Variants in SPIRE1 observed in about 807,000 individuals in gnomAD.
The protein encoded by SPIRE1 is spire type actin nucleation factor 1, also known as protein spire homolog 1.
Under a neutral mutation model 94.1 loss-of-function variants are expected in SPIRE1, and 40 were observed. That is an observed-to-expected ratio of 0.43 (90% confidence interval 0.33 to 0.55). The LOEUF (loss-of-function observed/expected upper bound fraction) is 0.55, where lower values mean the gene tolerates loss of function less well. Among genes scored for constraint, SPIRE1 ranks in the 20% least tolerant of loss-of-function variants. The probability of loss-of-function intolerance (pLI) is 0.06; values close to 1 mark genes in which losing one functional copy is unlikely to be tolerated. For missense variants in SPIRE1, 838 were observed against 975.2 expected, an observed-to-expected ratio of 0.86 and a Z score of 1.87; for synonymous variants, 376 against 371.7, an observed-to-expected ratio of 1.01 and a Z score of -0.13.
chr18:12,475,373 T>C (rs2032522849), intron 10 of SPIRE1, among the ~76,000 whole-genome samples: 1 of 152,236 alleles, frequency 6.6e-6, no homozygotes. Flanking sequence ...GCACTTGGAA[T>C]GATTCTTAGG....
chr18:12,467,360 G>A (rs1568188297), intron 10 of SPIRE1, among the ~76,000 whole-genome samples: 6 of 152,170 alleles, frequency 3.9e-5, no homozygotes, highest in Admixed American at 1.3e-4. Flanking sequence ...ACCAAATCAA[G>A]CACTGTAAGC....
intron 2 of SPIRE1, among the ~76,000 whole-genome samples, chr18:12,568,031 T>G (rs1598480063): frequency 6.6e-6 from 1 of 152,344 alleles, no homozygotes; most frequent in East Asian, 1.9e-4. Context: ...ATTTGGCTCC[T>G]GCCACCCTGG....
chr18:12,626,886 A>ATATATATATATATATATAT (rs55915333), intron 2 of SPIRE1, among the ~76,000 whole-genome samples: 13 of 111,892 alleles, frequency 1.2e-4, no homozygotes, highest in South Asian at 6.9e-4. Flanking sequence ...ATATATATAT[A>ATATATATATATATATATAT]TTTTTTTTTT....
upstream of SPIRE1, chr18:12,658,148 G>A (rs1482496827): frequency 5.2e-5 from 50 of 958,488 alleles, no homozygotes; most frequent in South Asian, 4.1e-4. Flanking sequence ...GCCGTCCAGC[G>A]CCGCCCAGCG....
chr18:12,647,558 G>C (rs546646142), intron 1 of SPIRE1, among the ~76,000 whole-genome samples: 1 of 152,120 alleles, frequency 6.6e-6, no homozygotes, highest in Non-Finnish European at 1.5e-5. Flanking sequence ...GACCAGCCTG[G>C]GCAATATAGT....
At chr18:12,540,908 C>T (rs993154742) in intron 3 of SPIRE1, among the ~76,000 whole-genome samples, 18 of 152,188 alleles carry the variant, frequency 1.2e-4, no homozygotes, top group Admixed American at 1.1e-3. Flanking sequence ...CCTGCACTGT[C>T]CTGCCTGGGG....
intron 4 of SPIRE1, among the ~76,000 whole-genome samples, chr18:12,519,085 G>T (rs1278752826): frequency 2.0e-5 from 3 of 152,134 alleles, no homozygotes; most frequent in African/African-American, 7.2e-5. Context: ...TCCTCCCTGA[G>T]GGGTGGATGG....
chr18:12,557,197 G>T (rs2035541099), intron 2 of SPIRE1, among the ~76,000 whole-genome samples: 1 of 152,236 alleles, frequency 6.6e-6, no homozygotes, highest in East Asian at 1.9e-4. Context: ...CGGAGCAGGG[G>T]GTGGCGCCCG....
At chr18:12,458,922 A>C (rs1269917591) in intron 12 of SPIRE1, among the ~76,000 whole-genome samples, 4 of 152,200 alleles carry the variant, frequency 2.6e-5, no homozygotes, top group Non-Finnish European at 5.9e-5. Context: ...AAGATGACTA[A>C]GAAAGAGTAA....
chr18:12,529,368 CAAA>C (rs145981470), intron 4 of SPIRE1, among the ~76,000 whole-genome samples: 2 of 126,406 alleles, frequency 1.6e-5, no homozygotes, highest in Non-Finnish European at 1.7e-5. Flanking sequence ...GACTCCGTCT[CAAA>C]AAAAAAAAAA....
chr18:12,540,379 G>C (rs1325741083), intron 3 of SPIRE1, among the ~76,000 whole-genome samples: 3 of 152,120 alleles, frequency 2.0e-5, no homozygotes, highest in East Asian at 3.9e-4. Context: ...TAATTTCTCT[G>C]TTACTTTTTT....
chr18:12,465,211 C>G (rs1480768386), intron 10 of SPIRE1, among the ~76,000 whole-genome samples: 2 of 152,066 alleles, frequency 1.3e-5, no homozygotes, highest in African/African-American at 4.8e-5. Flanking sequence ...GGGTCTCACT[C>G]TGTTGCTCTG....
upstream of SPIRE1, chr18:12,658,737 C>T: frequency 2.5e-6 from 1 of 403,016 alleles, no homozygotes; most frequent in African/African-American, 2.1e-5. Flanking sequence ...CGATTTCTTG[C>T]TGGTTGAATA....
chr18:12,456,420 G>T (rs1598885278), intron 12 of SPIRE1, among the ~76,000 whole-genome samples: 1 of 152,156 alleles, frequency 6.6e-6, no homozygotes, highest in East Asian at 1.9e-4. Context: ...CAGAAGTTTT[G>T]CTCTTATTTT....
chr18:12,510,130 AT>A (rs1277127065), intron 5 of SPIRE1, among the ~76,000 whole-genome samples: 1 of 151,882 alleles, frequency 6.6e-6, no homozygotes, highest in Non-Finnish European at 1.5e-5. Flanking sequence ...ATATGATTAC[AT>A]TTATATAAAA....
At chr18:12,577,216 C>G (rs971067423) in intron 2 of SPIRE1, among the ~76,000 whole-genome samples, 1 of 148,652 alleles carries the variant, frequency 6.7e-6, no homozygotes, top group Admixed American at 6.7e-5. Context: ...GGTGCAATCT[C>G]GGCTCACTGC....
intron 10 of SPIRE1, among the ~76,000 whole-genome samples, chr18:12,475,080 C>T (rs564598544): frequency 6.6e-6 from 1 of 152,248 alleles, no homozygotes; most frequent in African/African-American, 2.4e-5. Context: ...CAGTAAGGAG[C>T]AGAGGTTTGA....
At chr18:12,453,524 C>T (rs112920970) in intron 13 of SPIRE1, among the ~76,000 whole-genome samples, 2,267 of 151,660 alleles carry the variant, frequency 0.015, 54 homozygotes, top group African/African-American at 0.052. Context: ...AGCTCCGCCT[C>T]CTGGGTTCAC....
intron 1 of SPIRE1, 103 bp downstream of exon 1, chr18:12,657,427 G>A: frequency 1.1e-6 from 1 of 944,518 alleles, no homozygotes; most frequent in Non-Finnish European, 1.4e-6. Flanking sequence ...GTGGCAAAAT[G>A]GGGGGGGACG....
Sources: gnomAD v4.1 joint callset for allele counts (sites outside exome capture counted in the v4.1 genomes callset) on GRCh38, gnomAD v4.1.1 for gene constraint, MANE v1.5 for transcripts, NCBI Gene and HGNC (gene_info 2026-07-23, HGNC 2026-07-21) for gene names.